ACYP2: variants seen among roughly 807,000 people sequenced by gnomAD.
The protein encoded by ACYP2 is acylphosphatase-2.
Under a neutral mutation model 11.2 loss-of-function variants are expected in ACYP2, and 12 were observed. The observed-to-expected ratio is 1.08, with a 90% CI of 0.69 to 1.74. ACYP2 has a LOEUF of 1.74. Ranked by LOEUF, ACYP2 falls within the 40% of genes most tolerant of loss-of-function variation. The pLI, the probability that ACYP2 is intolerant of heterozygous loss-of-function variation, is 0.00. For missense variants in ACYP2, 134 were observed against 101.9 expected (o/e 1.31, Z -1.35); for synonymous variants, 43 against 32.2 (o/e 1.33, Z -1.13).
chr2:54,242,578 A>G (rs545436205), intron 6 of ACYP2, among the ~76,000 whole-genome samples: 1 of 152,388 alleles, frequency 6.6e-6, no homozygotes, highest in African/African-American at 2.4e-5. Flanking sequence ...AACTGCATAT[A>G]TAACAGTGGT....
intron 6 of ACYP2, among the ~76,000 whole-genome samples, chr2:54,289,010 A>G (rs942826535): frequency 6.6e-6 from 1 of 152,042 alleles, no homozygotes; most frequent in African/African-American, 2.4e-5. Context: ...TCATTTGGAA[A>G]ACTAAAGAAT....
chr2:54,129,121 G>A (rs1572821871), intron 4 of ACYP2, among the ~76,000 whole-genome samples: 2 of 152,112 alleles, frequency 1.3e-5, no homozygotes, highest in African/African-American at 4.8e-5. Flanking sequence ...TAATAGTTCT[G>A]TTTAACATGA....
chr2:54,125,795 A>G (rs1680457147), intron 4 of ACYP2, among the ~76,000 whole-genome samples: 1 of 148,764 alleles, frequency 6.7e-6, no homozygotes, highest in Non-Finnish European at 1.5e-5. Context: ...TAAAAAGGGG[A>G]TTCAGGCTGG....
chr2:54,024,299 G>C (rs1442264161), intron 2 of ACYP2, among the ~76,000 whole-genome samples: 2 of 152,258 alleles, frequency 1.3e-5, no homozygotes, highest in African/African-American at 4.8e-5. Context: ...CTGAGAGGCA[G>C]AGATTGCATT....
At chr2:54,023,706 T>G (rs1674121697) in intron 2 of ACYP2, among the ~76,000 whole-genome samples, 1 of 152,084 alleles carries the variant, frequency 6.6e-6, no homozygotes, top group African/African-American at 2.4e-5. Context: ...AAACTTAAAG[T>G]TTTTTTCCTG....
chr2:54,259,563 CAT>C (rs1429470913), intron 6 of ACYP2, among the ~76,000 whole-genome samples: 1 of 151,310 alleles, frequency 6.6e-6, no homozygotes, highest in Non-Finnish European at 1.5e-5. Context: ...AGGGTGCTCA[CAT>C]GTCAGTTAGT....
chr2:54,045,523 T>G (rs370270524), intron 2 of ACYP2, among the ~76,000 whole-genome samples: 4 of 152,102 alleles, frequency 2.6e-5, no homozygotes, highest in East Asian at 3.9e-4. Flanking sequence ...ACTCATAAAA[T>G]TGTGGAACAC....
intron 6 of ACYP2, among the ~76,000 whole-genome samples, chr2:54,243,344 C>CGTTATT (rs1558637872): frequency 6.6e-6 from 1 of 151,948 alleles, no homozygotes; most frequent in East Asian, 1.9e-4. Flanking sequence ...CTATATGGCA[C>CGTTATT]GTTATTGTAC....
chr2:53,991,228 A>C (rs981949083), intron 2 of ACYP2, among the ~76,000 whole-genome samples: 1 of 152,240 alleles, frequency 6.6e-6, no homozygotes, highest in Non-Finnish European at 1.5e-5. Flanking sequence ...TTCTATGAAC[A>C]TACCATAGTT....
rs190795139 is a variant in ACYP2 at position 54,068,898 on chromosome 2, C to T, written c.277+11538C>T. 2.8e-4 allele frequency among the ~76,000 whole-genome samples: 43 copies of T among 152,006 alleles called. 1 individual carries two copies. The highest frequency in any genetic ancestry group is 9.9e-4 in the African/African-American group (41 of 41,478). On this transcript the variant is annotated intron_variant, in intron 4 of 6. Coordinates refer to ENST00000607452, the MANE Select transcript of ACYP2 (RefSeq NM_001320586.2). ...TCTTTTCATTAAATTAAATTAATTA[C>T]TTAATTTTATTTTCATTTTTAATTT...
intron 4 of ACYP2, among the ~76,000 whole-genome samples, chr2:54,096,855 G>A (rs1009776467): frequency 2.6e-5 from 4 of 152,092 alleles, no homozygotes; most frequent in African/African-American, 9.7e-5. Flanking sequence ...GTGGGGAGAG[G>A]GAGAGGGGGA....
intron 4 of ACYP2, among the ~76,000 whole-genome samples, chr2:54,132,931 A>T (rs530229886): frequency 6.6e-6 from 1 of 151,974 alleles, no homozygotes; most frequent in Non-Finnish European, 1.5e-5. Flanking sequence ...TTTTCTTGAG[A>T]TGGGATTTCA....
At chr2:54,089,613 G>A (rs1678116400) in intron 4 of ACYP2, among the ~76,000 whole-genome samples, 1 of 151,752 alleles carries the variant, frequency 6.6e-6, no homozygotes, top group Non-Finnish European at 1.5e-5. Flanking sequence ...GGTGGTGCAT[G>A]CCTGTAGTCC....
At chr2:54,007,369 T>C (rs1434047622) in intron 2 of ACYP2, among the ~76,000 whole-genome samples, 1 of 150,398 alleles carries the variant, frequency 6.6e-6, no homozygotes, top group Non-Finnish European at 1.5e-5. Context: ...TTCTTCTGCC[T>C]CAGCCTCCCA....
intron 6 of ACYP2, among the ~76,000 whole-genome samples, chr2:54,159,323 A>G (rs1356067482): frequency 1.3e-5 from 2 of 151,844 alleles, no homozygotes; most frequent in East Asian, 1.9e-4. Context: ...CTGGGCTTCA[A>G]AAATATTCAT....
intron 6 of ACYP2, among the ~76,000 whole-genome samples, chr2:54,291,159 A>G (rs1689289226): frequency 6.6e-6 from 1 of 152,166 alleles, no homozygotes; most frequent in South Asian, 2.1e-4. Context: ...TCCTGACAGC[A>G]TTTGGACACT....
At chr2:53,979,020 A>T (rs1056275697) in intron 2 of ACYP2, among the ~76,000 whole-genome samples, 1 of 152,158 alleles carries the variant, frequency 6.6e-6, no homozygotes, top group African/African-American at 2.4e-5. Context: ...GCTATACTAT[A>T]CCTTGTATTG....
At chr2:54,264,566 C>A (rs758922016) in intron 6 of ACYP2, among the ~76,000 whole-genome samples, 5 of 152,176 alleles carry the variant, frequency 3.3e-5, no homozygotes, top group Non-Finnish European at 7.3e-5. Context: ...GCTGCAAACT[C>A]ACATGTAAAA....
rs1363386484 is a variant in ACYP2 at position 54,255,981 on chromosome 2, C to T, written c.405-48707C>T. ...CTGCGGGATCCTGGGGCGCGACCCC[C>T]TCCTCTGGAAGCCGGGGCGGTGGGA... On this transcript the variant is annotated intron_variant, in intron 6 of 6. Coordinates refer to ENST00000607452, the MANE Select transcript of ACYP2 (RefSeq NM_001320586.2). 4 of 1,614,080 alleles carry T rather than the reference C, an allele frequency of 2.5e-6. No individual in the cohort carries two copies. The African/African-American group carries it at 5.3e-5, about 22-fold the overall frequency.
Sources: allele counts gnomAD v4.1 joint callset (sites outside exome capture counted in the v4.1 genomes callset), GRCh38; gene constraint gnomAD v4.1.1; transcripts MANE v1.5; gene names NCBI Gene and HGNC (gene_info 2026-07-23, HGNC 2026-07-21).